Variants in ANO2 observed in about 807,000 individuals in gnomAD.
The protein encoded by ANO2 is anoctamin-2.
A neutral mutation model predicts 124.2 loss-of-function variants in ANO2; 101 were observed. The ratio of observed to expected loss-of-function variants is 0.81; its 90% CI spans 0.69 to 0.96. The LOEUF (loss-of-function observed/expected upper bound fraction) is 0.96, where lower values mean the gene tolerates loss of function less well. Ranked by LOEUF, ANO2 falls within the 40% of genes least tolerant of loss-of-function variation. ANO2 has a pLI of 0.00. For synonymous variants in ANO2, 486 were observed against 482.5 expected, an observed-to-expected ratio of 1.01 and a Z score of -0.09; for missense variants, 1,293 against 1,274.5, an observed-to-expected ratio of 1.01 and a Z score of -0.22.
chr12:5,792,428 C>G (rs1952724919), intron 10 of ANO2, among the ~76,000 whole-genome samples: 1 of 152,202 alleles, frequency 6.6e-6, no homozygotes, highest in Non-Finnish European at 1.5e-5. Flanking sequence ...TGAAACAGTT[C>G]CAGCCTGGTT....
intron 3 of ANO2, among the ~76,000 whole-genome samples, chr12:5,886,050 C>T (rs1030101834): frequency 5.3e-5 from 8 of 152,158 alleles, no homozygotes; most frequent in East Asian, 1.9e-4. Context: ...CCTGGGACTC[C>T]GGAACTGTGT....
At chr12:5,827,909 G>C (rs1361393184) in intron 6 of ANO2, 89 bp from the exon 7 acceptor site, 3 of 1,430,060 alleles carry the variant, frequency 2.1e-6, no homozygotes, top group Non-Finnish European at 2.8e-6. Context: ...GGCAGGGGCG[G>C]GAGGCGCCCG....
intron 16 of ANO2, among the ~76,000 whole-genome samples, chr12:5,632,780 C>T (rs1945788654): frequency 6.6e-6 from 1 of 152,142 alleles, no homozygotes; most frequent in Admixed American, 6.5e-5. Context: ...CTATCTAGAG[C>T]AATGCAAGAA....
At position 5,641,580 on chromosome 12, in the gene ANO2, G is replaced by A. The variant is rs185571499; in HGVS notation, c.1620+6147C>T. On this transcript the variant is annotated intron_variant, in intron 15 of 24. Transcript: ENST00000682330. ...CTGGTCTGGAAGCTTAAGCCTGGAC[G>A]AGCTTGAGCACCTGACTGTGAAGGG... Among the ~76,000 whole-genome samples, 173 of 152,320 alleles carry A rather than the reference G, an allele frequency of 1.1e-3. 1 individual carries two copies. The highest frequency in any genetic ancestry group is 4.0e-3 in the African/African-American group (166 of 41,568).
intron 14 of ANO2, among the ~76,000 whole-genome samples, chr12:5,697,528 C>T (rs553948554): frequency 2.0e-5 from 3 of 152,316 alleles, no homozygotes; most frequent in Non-Finnish European, 4.4e-5. Flanking sequence ...CCAGCATGAG[C>T]GATGCAGAAG....
At chr12:5,878,791 A>G (rs1938287496) in intron 3 of ANO2, among the ~76,000 whole-genome samples, 1 of 152,230 alleles carries the variant, frequency 6.6e-6, no homozygotes. Flanking sequence ...TAGAGATGCC[A>G]GGAAAGGCAG....
intron 3 of ANO2, among the ~76,000 whole-genome samples, chr12:5,920,505 C>T (rs539082317): frequency 6.6e-6 from 1 of 152,252 alleles, no homozygotes; most frequent in African/African-American, 2.4e-5. Context: ...ACCACTACTA[C>T]CTGGAATCCC....
intron 10 of ANO2, among the ~76,000 whole-genome samples, chr12:5,766,404 A>G (rs1186110255): frequency 6.6e-6 from 1 of 152,366 alleles, no homozygotes; most frequent in South Asian, 2.1e-4. Flanking sequence ...ACATGACCAC[A>G]CAAGTGAATC....
chr12:5,830,373 C>T (rs1485966163), intron 6 of ANO2, 62 bp downstream of exon 6: 3 of 1,546,448 alleles, frequency 1.9e-6, no homozygotes, highest in African/African-American at 1.4e-5. Context: ...GAATGCCCTG[C>T]CAACTAGGAA....
intron 3 of ANO2, among the ~76,000 whole-genome samples, chr12:5,884,190 A>T (rs1938717966): frequency 6.6e-6 from 1 of 152,220 alleles, no homozygotes; most frequent in African/African-American, 2.4e-5. Flanking sequence ...ATACCAGATA[A>T]CAGCCACTGT....
intron 3 of ANO2, among the ~76,000 whole-genome samples, chr12:5,891,634 T>C (rs940211823): frequency 6.6e-6 from 1 of 152,202 alleles, no homozygotes; most frequent in African/African-American, 2.4e-5. Flanking sequence ...AATAGCACAC[T>C]ATATACCCTA....
intron 16 of ANO2, among the ~76,000 whole-genome samples, chr12:5,628,714 GTGCA>G (rs1945543644): frequency 6.6e-6 from 1 of 152,176 alleles, no homozygotes; most frequent in African/African-American, 2.4e-5. Flanking sequence ...GCGTGCACAT[GTGCA>G]TGCATGCATG....
chr12:5,775,000 G>A (rs1952185937), intron 10 of ANO2, among the ~76,000 whole-genome samples: 2 of 152,256 alleles, frequency 1.3e-5, no homozygotes, highest in South Asian at 4.1e-4. Flanking sequence ...TACGTAGATG[G>A]TTTAATCCCC....
chr12:5,682,930 C>A (rs1591895346), intron 14 of ANO2, among the ~76,000 whole-genome samples: 1 of 152,298 alleles, frequency 6.6e-6, no homozygotes, highest in Middle Eastern at 3.4e-3. Context: ...CTGAGTTGTT[C>A]TTTTCCACAC....
Position 5,578,388 on chromosome 12 carries a change from A to T in ANO2, c.2364T>A (p.Asp788Glu). 6.2e-7 allele frequency: 1 copy of T among 1,613,940 alleles called. No homozygotes were observed. The highest frequency in any genetic ancestry group is 8.5e-7 in the Non-Finnish European group (1 of 1,179,846). Residue 788 changes from aspartate to glutamate, a missense_variant, in exon 21 of 25, where the codon GAT (aspartate) becomes GAA (glutamate). Asp to Glu is a conservative substitution (Grantham distance 45). Coordinates refer to ENST00000682330, the MANE Select transcript of ANO2 (RefSeq NM_001364791.2). ...KKFVTELRRP[D>E]AVRTKDIGIW... ...TACCGATATCTTTGGTTCTTACAGC[A>T]TCCGGCCGTCTCAGCTCTGTAACAA...
intron 3 of ANO2, among the ~76,000 whole-genome samples, chr12:5,867,778 G>GAAAAAA (rs10622876): frequency 1.9e-4 from 15 of 78,512 alleles, no homozygotes; most frequent in Non-Finnish European, 2.3e-4. Flanking sequence ...GCACTATAAT[G>GAAAAAA]AAAAAAAAAA....
At chr12:5,927,863 C>A (rs1246670904) in intron 1 of ANO2, among the ~76,000 whole-genome samples, 1 of 152,172 alleles carries the variant, frequency 6.6e-6, no homozygotes, top group Non-Finnish European at 1.5e-5. Flanking sequence ...CTGGCAGGAA[C>A]CTTCAAGGTC....
intron 1 of ANO2, among the ~76,000 whole-genome samples, chr12:5,923,224 A>G (rs1157123457): frequency 3.4e-5 from 4 of 118,824 alleles, no homozygotes; most frequent in East Asian, 2.5e-4. Flanking sequence ...ATACACACAC[A>G]CATGCACACA....
At chr12:5,706,856 G>A (rs1949629179) in intron 14 of ANO2, among the ~76,000 whole-genome samples, 1 of 152,162 alleles carries the variant, frequency 6.6e-6, no homozygotes, top group South Asian at 2.1e-4. Context: ...AGTCATGGAG[G>A]TTAAATAACT....
Sources: allele counts gnomAD v4.1 joint callset (sites outside exome capture counted in the v4.1 genomes callset), GRCh38; gene constraint gnomAD v4.1.1; transcripts MANE v1.5; gene names NCBI Gene and HGNC (gene_info 2026-07-23, HGNC 2026-07-21).